TAB3: variants seen among roughly 807,000 people sequenced by gnomAD.
TAB3 encodes the protein TGF-beta activated kinase 1 (MAP3K7) binding protein 3.
A neutral mutation model predicts 48.1 loss-of-function variants in TAB3; 18 were observed. The ratio of observed to expected loss-of-function variants is 0.37; its 90% CI spans 0.26 to 0.55. The LOEUF is 0.55. TAB3 is among the 20% of genes least tolerant of loss of function. The probability of loss-of-function intolerance (pLI) is 0.78; values close to 1 mark genes in which losing one functional copy is unlikely to be tolerated. For synonymous variants in TAB3, 185 were observed against 190.2 expected (o/e 0.97, Z 0.22); for missense variants, 414 against 549.8 (o/e 0.75, Z 2.47).
At position 30,831,520 on chromosome X, in the gene TAB3, G is replaced by A. The variant is rs774634714; in HGVS notation, c.2046C>T (p.Tyr682=). ...TATCACAATTCCATGGAGCCCCTTC[G>A]TAGTCTTCATCTCGAGGTTGTGTCC... ...SPRTQPRDED[Y]EGAPWNCDSC... is the part of the protein sequence containing the mutation. The change falls in exon 11 of 11, where the codon TAC becomes TAT. Residue 682 remains tyrosine (Y), a synonymous_variant. Coordinates refer to ENST00000288422, the MANE Select transcript of TAB3 (RefSeq NM_152787.5). 95 of 1,209,014 alleles carry A rather than the reference G, an allele frequency of 7.9e-5. No individual in the cohort carries two copies. The highest frequency in any genetic ancestry group is 8.9e-5 in the Non-Finnish European group (80 of 894,870).
chrX:30,881,800 A>G (rs1160218761), intron 1 of TAB3, among the ~76,000 whole-genome samples: 1 of 112,078 alleles, frequency 8.9e-6, no homozygotes, highest in Non-Finnish European at 1.9e-5. Flanking sequence ...GAAGCTCTGA[A>G]TATGTCTAAA....
intron 7 of TAB3, among the ~76,000 whole-genome samples, chrX:30,849,061 T>TAA (rs983590342): frequency 4.5e-5 from 5 of 112,101 alleles, no homozygotes; most frequent in African/African-American, 1.6e-4. Flanking sequence ...GGTAAAAAGC[T>TAA]AACATTTCTA....
At position 30,854,998 on chromosome X, in the gene TAB3, G is replaced by C. The variant is rs184679657; in HGVS notation, c.667C>G (p.Leu223Val). 1.7e-6 allele frequency: 2 copies of C among 1,209,105 alleles called. No individual in the cohort carries two copies. Among genetic ancestry groups the C allele is most frequent in the African/African-American group, 3.5e-5 (2 of 57,066 alleles). Residue 223 changes from leucine (L) to valine (V), a missense_variant, in exon 6 of 11, where the codon CTC becomes GTC. By Grantham distance (32) the Leu-to-Val change is conservative (BLOSUM62 1). Coordinates refer to ENST00000288422, the MANE Select transcript of TAB3 (RefSeq NM_152787.5). ...LQILPQIPSN[L>V]YGSPGSIYIR... Reference sequence around the variant, plus strand: ...TAAATAGAACCAGGAGACCCATAGAGATTGCTTGGAATTTGTGGAAGAATT... The same window carrying C: ...TAAATAGAACCAGGAGACCCATAGACATTGCTTGGAATTTGTGGAAGAATT...
At chrX:30,853,324 T>G (rs1938929227) in intron 6 of TAB3, among the ~76,000 whole-genome samples, 1 of 112,932 alleles carries the variant, frequency 8.9e-6, no homozygotes, top group Non-Finnish European at 1.9e-5. Flanking sequence ...AGGTCTACTA[T>G]TAGCTAATCC....
Position 30,854,485 on chromosome X carries a change from G to A in TAB3, c.1180C>T (p.Arg394Trp), listed in dbSNP as rs5927629. The change falls in exon 6 of 11, where the codon CGG (arginine) becomes TGG (tryptophan). Residue 394 changes from arginine to tryptophan, a missense_variant. Transcript: ENST00000288422. The part of the protein sequence containing the change: ...PSPISNQPSP[R>W]NQHSLYTATT... ...GCTGTGTACAGTGAGTGTTGATTCC[G>A]TGGAGATGGTTGATTACTGATGGGT... 79 of 1,209,363 alleles carry A rather than the reference G, an allele frequency of 6.5e-5. No homozygotes were observed. The highest frequency in any genetic ancestry group is 8.3e-5 in the Non-Finnish European group (74 of 894,912).
At chrX:30,852,694 C>T (rs1053147579) in intron 7 of TAB3, 84 bp downstream of exon 7, 4 of 996,345 alleles carry the variant, frequency 4.0e-6, no homozygotes, top group Non-Finnish European at 5.3e-6. Flanking sequence ...GGAACTCTGC[C>T]AGGAATAAAG....
intron 9 of TAB3, chrX:30,836,033 AAATAC>A (rs745361909): frequency 1.5e-4 from 17 of 112,257 alleles, no homozygotes; most frequent in African/African-American, 5.2e-4. Flanking sequence ...ATTTAGTTTC[AAATAC>A]AATATGAGAA....
Position 30,872,268 on chromosome X carries a change from T to C in TAB3, c.-382-467A>G, listed in dbSNP as rs149077162. ...TCCGTGGTGAGTCTGATGTAGTCTC[T>C]GGTAAAGTAGAGGAACTTTTTAAAA... On this transcript the variant is annotated intron_variant, in intron 1 of 10. Coordinates refer to ENST00000288422, the MANE Select transcript of TAB3 (RefSeq NM_152787.5). Among the ~76,000 whole-genome samples the C allele has an allele frequency of 5.4e-5, 6 of 112,128 alleles. No homozygotes were observed. The East Asian group carries it at 1.7e-3, about 31-fold the overall frequency.
At chrX:30,874,223 T>C in intron 1 of TAB3, among the ~76,000 whole-genome samples, 1 of 112,143 alleles carries the variant, frequency 8.9e-6, no homozygotes, top group East Asian at 2.8e-4. Flanking sequence ...TTTTTGACTC[T>C]GCAGGCAGTC....
At chrX:30,870,513 GT>G (rs1163982595) in intron 2 of TAB3, among the ~76,000 whole-genome samples, 2 of 112,214 alleles carry the variant, frequency 1.8e-5, no homozygotes, top group African/African-American at 6.5e-5. Context: ...ATAATAAGTA[GT>G]CAGAAAAAGA....
chrX:30,842,653 C>CA (rs1243956725), intron 9 of TAB3, among the ~76,000 whole-genome samples: 2 of 60,937 alleles, frequency 3.3e-5, no homozygotes, highest in Non-Finnish European at 8.8e-5. Flanking sequence ...CCCATCTCTA[C>CA]AAAAAATAAA....
chrX:30,839,076 C>A (rs981769724), intron 9 of TAB3, among the ~76,000 whole-genome samples: 1 of 110,671 alleles, frequency 9.0e-6, no homozygotes. Context: ...TTGCCTTGTT[C>A]CCAATGTTGG....
At chrX:30,834,004 T>A in intron 10 of TAB3, 47 bp downstream of exon 10, 3 of 1,083,809 alleles carry the variant, frequency 2.8e-6, no homozygotes, top group Non-Finnish European at 2.6e-6. Context: ...TGGATTAACA[T>A]GTGTCTTTGG....
At chrX:30,856,900 A>C (rs986871973) in intron 5 of TAB3, among the ~76,000 whole-genome samples, 3 of 111,474 alleles carry the variant, frequency 2.7e-5, no homozygotes, top group African/African-American at 9.8e-5. Context: ...TATTCTCCTG[A>C]GTCCCAGTGC....
At chrX:30,847,756 T>G (rs902574007) in intron 7 of TAB3, among the ~76,000 whole-genome samples, 39 of 111,557 alleles carry the variant, frequency 3.5e-4, no homozygotes, top group Non-Finnish European at 7.0e-4. Flanking sequence ...AGAAAGGATA[T>G]CTTAATTCAT....
intron 7 of TAB3, among the ~76,000 whole-genome samples, chrX:30,847,716 TGTTAATATGCCA>T (rs1368192373): frequency 7.2e-5 from 8 of 111,328 alleles, no homozygotes; most frequent in Non-Finnish European, 1.3e-4. Flanking sequence ...ACGCTAAATA[TGTTAATATGCCA>T]GTGAAAGAAA....
intron 7 of TAB3, among the ~76,000 whole-genome samples, chrX:30,849,808 A>G (rs759830939): frequency 3.1e-4 from 35 of 112,139 alleles, no homozygotes; most frequent in African/African-American, 9.7e-4. Flanking sequence ...TTTCTTGATT[A>G]ATTTCCTACA....
chrX:30,882,879 A>T (rs1454837685), intron 1 of TAB3, among the ~76,000 whole-genome samples: 5 of 111,995 alleles, frequency 4.5e-5, no homozygotes, highest in African/African-American at 1.6e-4. Flanking sequence ...GATGAAGAGT[A>T]TATAGGAATT....
chrX:30,868,173 AGGTGTGAGCCACCACACCT>A (rs1443698477), intron 2 of TAB3, among the ~76,000 whole-genome samples: 1 of 103,618 alleles, frequency 9.7e-6, no homozygotes, highest in African/African-American at 3.5e-5. Context: ...TTGGGATTAC[AGGTGTGAGCCACCACACCT>A]GGCCTATATG....
Sources: gnomAD v4.1 joint callset for allele counts (sites outside exome capture counted in the v4.1 genomes callset) on GRCh38, gnomAD v4.1.1 for gene constraint, MANE v1.5 for transcripts, NCBI Gene and HGNC (gene_info 2026-07-23, HGNC 2026-07-21) for gene names.